KIAA0825: variants seen among roughly 807,000 people sequenced by gnomAD.
KIAA0825 encodes the protein KIAA0825, also known as uncharacterized protein KIAA0825.
In KIAA0825, 119 loss-of-function variants were observed where a neutral mutation model predicts 147.6. That is an observed-to-expected ratio of 0.81 (90% confidence interval 0.69 to 0.94). The LOEUF (loss-of-function observed/expected upper bound fraction) is 0.94, where lower values mean the gene tolerates loss of function less well. Ranked by LOEUF, KIAA0825 falls within the 40% of genes least tolerant of loss-of-function variation. The pLI, the probability that KIAA0825 is intolerant of heterozygous loss-of-function variation, is 0.00. For synonymous variants in KIAA0825, 470 were observed against 518.1 expected, an observed-to-expected ratio of 0.91 and a Z score of 1.26; for missense variants, 1,381 against 1,472.7, an observed-to-expected ratio of 0.94 and a Z score of 1.02.
At chr5:94,175,174 G>A (rs1305999930) in intron 20 of KIAA0825, among the ~76,000 whole-genome samples, 2 of 152,122 alleles carry the variant, frequency 1.3e-5, no homozygotes, top group Admixed American at 6.5e-5. Context: ...AAATTGGCCT[G>A]CTGTTTTGTC....
chr5:94,561,826 A>G (rs747371244), intron 2 of KIAA0825, among the ~76,000 whole-genome samples: 1 of 152,272 alleles, frequency 6.6e-6, no homozygotes, highest in African/African-American at 2.4e-5. Flanking sequence ...CTTCCTCTAC[A>G]CTAATAATGT....
At chr5:94,355,899 A>C (rs1584234514) in intron 20 of KIAA0825, among the ~76,000 whole-genome samples, 2 of 152,242 alleles carry the variant, frequency 1.3e-5, no homozygotes, top group African/African-American at 4.8e-5. Context: ...AGATTTAAAT[A>C]GTAGGTGAAA....
At chr5:94,160,490 T>G (rs1453568637) in intron 20 of KIAA0825, among the ~76,000 whole-genome samples, 3 of 149,132 alleles carry the variant, frequency 2.0e-5, no homozygotes, top group Non-Finnish European at 4.4e-5. Flanking sequence ...AGTACATATC[T>G]GTATACTGTA....
At chr5:94,288,990 C>A (rs1777771022) in intron 20 of KIAA0825, among the ~76,000 whole-genome samples, 1 of 152,176 alleles carries the variant, frequency 6.6e-6, no homozygotes, top group African/African-American at 2.4e-5. Context: ...ATCAACCCCC[C>A]TTTCTTGACA....
intron 14 of KIAA0825, among the ~76,000 whole-genome samples, chr5:94,433,424 G>T (rs1228754632): frequency 6.6e-6 from 1 of 152,132 alleles, no homozygotes; most frequent in African/African-American, 2.4e-5. Context: ...TAGGCACTTT[G>T]TCATGAGGTT....
At chr5:94,571,629 A>ACTACGCAAAGGCCCC (rs1779983158) in intron 2 of KIAA0825, among the ~76,000 whole-genome samples, 1 of 152,246 alleles carries the variant, frequency 6.6e-6, no homozygotes, top group Non-Finnish European at 1.5e-5. Context: ...TCTTAAAATA[A>ACTACGCAAAGGCCCC]AACTGTGTAT....
At chr5:94,231,580 TTATC>T (rs1284135976) in intron 20 of KIAA0825, among the ~76,000 whole-genome samples, 10 of 152,260 alleles carry the variant, frequency 6.6e-5, no homozygotes, top group South Asian at 6.2e-4. Flanking sequence ...GAAAATTTCT[TTATC>T]TAGCTATCTG....
chr5:94,466,329 T>C (rs1345906894), intron 10 of KIAA0825, among the ~76,000 whole-genome samples: 1 of 152,158 alleles, frequency 6.6e-6, no homozygotes, highest in Non-Finnish European at 1.5e-5. Context: ...AGAATTTGTA[T>C]TCCTTGGGTA....
At chr5:94,339,223 G>A (rs1272383356) in intron 20 of KIAA0825, among the ~76,000 whole-genome samples, 1 of 152,090 alleles carries the variant, frequency 6.6e-6, no homozygotes, top group Non-Finnish European at 1.5e-5. Context: ...TAACTAGGGG[G>A]TAGTATACTA....
intron 13 of KIAA0825, among the ~76,000 whole-genome samples, chr5:94,451,272 GAATTGTTT>G (rs2150901825): frequency 6.6e-6 from 1 of 152,148 alleles, no homozygotes; most frequent in Non-Finnish European, 1.5e-5. Flanking sequence ...ATTCCATACT[GAATTGTTT>G]AATGCTACAA....
At chr5:94,590,813 T>C (rs1005072118) in intron 1 of KIAA0825, among the ~76,000 whole-genome samples, 1 of 151,996 alleles carries the variant, frequency 6.6e-6, no homozygotes, top group East Asian at 1.9e-4. Flanking sequence ...AAGGAATGCA[T>C]AAAGAGAAAA....
At chr5:94,495,343 G>A (rs1018229206) in intron 5 of KIAA0825, among the ~76,000 whole-genome samples, 2 of 152,160 alleles carry the variant, frequency 1.3e-5, no homozygotes, top group African/African-American at 4.8e-5. Flanking sequence ...AGCCATAAAG[G>A]TAAGATCCTA....
intron 20 of KIAA0825, among the ~76,000 whole-genome samples, chr5:94,309,343 GGA>G (rs1205993304): frequency 6.6e-6 from 1 of 151,698 alleles, no homozygotes; most frequent in Non-Finnish European, 1.5e-5. Flanking sequence ...TTCAGAGGAG[GGA>G]GAGATTACTT....
chr5:94,369,984 C>G (rs1746435324), intron 20 of KIAA0825, among the ~76,000 whole-genome samples: 1 of 152,166 alleles, frequency 6.6e-6, no homozygotes, highest in Non-Finnish European at 1.5e-5. Context: ...AGCACTCCCA[C>G]TCCTAGGTAC....
chr5:94,219,909 C>G (rs945577264), intron 20 of KIAA0825, among the ~76,000 whole-genome samples: 1 of 152,070 alleles, frequency 6.6e-6, no homozygotes, highest in Non-Finnish European at 1.5e-5. Flanking sequence ...TATAAACACT[C>G]CACACTTAGG....
At chr5:94,371,932 A>G (rs1562428805) in intron 20 of KIAA0825, among the ~76,000 whole-genome samples, 1 of 152,234 alleles carries the variant, frequency 6.6e-6, no homozygotes, top group Non-Finnish European at 1.5e-5. Flanking sequence ...CTTCCTAGAT[A>G]CAATGGGGGT....
intron 3 of KIAA0825, among the ~76,000 whole-genome samples, chr5:94,526,814 A>G (rs1046502251): frequency 1.3e-5 from 2 of 152,002 alleles, no homozygotes; most frequent in Admixed American, 6.6e-5. Flanking sequence ...TCCCTAAAGG[A>G]ATTCTGTCTA....
chr5:94,429,062 A>G (rs1038990629), intron 14 of KIAA0825, among the ~76,000 whole-genome samples: 9 of 152,038 alleles, frequency 5.9e-5, no homozygotes, highest in African/African-American at 1.9e-4. Context: ...TATTCATTTT[A>G]AAGATATTTT....
At chr5:94,434,671 G>A (rs1363761213) in intron 14 of KIAA0825, among the ~76,000 whole-genome samples, 6 of 152,130 alleles carry the variant, frequency 3.9e-5, no homozygotes, top group Admixed American at 1.3e-4. Context: ...AGAGCATGGC[G>A]CCAGCATCTA....
Sources: allele counts gnomAD v4.1 joint callset (sites outside exome capture counted in the v4.1 genomes callset), GRCh38; gene constraint gnomAD v4.1.1; transcripts MANE v1.5; gene names NCBI Gene and HGNC (gene_info 2026-07-23, HGNC 2026-07-21).